DCC: variants seen among roughly 807,000 people sequenced by gnomAD.
The protein encoded by DCC is DCC netrin 1 receptor, also known as netrin receptor DCC.
In DCC, 58 loss-of-function variants were observed where a neutral mutation model predicts 172.5. The ratio of observed to expected loss-of-function variants is 0.34; its 90% confidence interval spans 0.27 to 0.42. DCC has a LOEUF of 0.42. DCC is among the 10% of genes least tolerant of loss of function. The pLI is 1.00. For missense variants in DCC, 1,740 were observed against 1,791.0 expected (o/e 0.97, Z 0.51); for synonymous variants, 709 against 644.5 (o/e 1.10, Z -1.52).
At chr18:53,326,870 G>T (rs1272377966) in intron 14 of DCC, among the ~76,000 whole-genome samples, 1 of 152,142 alleles carries the variant, frequency 6.6e-6, no homozygotes, top group Non-Finnish European at 1.5e-5. Context: ...CTTTGCTGTA[G>T]CTGAAGATAT....
At position 53,215,550 on chromosome 18, in the gene DCC, C is replaced by T. The variant is rs915196815; in HGVS notation, c.1864C>T (p.Pro622Ser). ...ACAATTTGTTTGATTCCTTTTAGTG[C>T]CAAGTGCCCCGCCTCAGAACGTCTC... is the stretch of plus-strand genomic sequence containing the variant. ...DITVVTLSDVPSAPPQNVSLE... is the reference protein window; with the variant it reads ...DITVVTLSDVSSAPPQNVSLE... The change falls in exon 12 of 29, where the codon CCA becomes TCA. Residue 622 changes from proline to serine, a missense_variant and splice_region_variant. Around this residue, in one of 2 missense-constraint regions of DCC, gnomAD observed 1,732 missense variants for 1,767.4 expected, o/e 0.98. Transcript: ENST00000442544. The T allele has an allele frequency of 4.3e-6, 7 of 1,613,458 alleles. No individual in the cohort carries two copies. In the Admixed American group the frequency reaches 1.0e-4, roughly 23 times the overall value.
At chr18:53,028,213 T>C (rs2041982563) in intron 5 of DCC, among the ~76,000 whole-genome samples, 2 of 152,274 alleles carry the variant, frequency 1.3e-5, no homozygotes, top group Admixed American at 6.5e-5. Flanking sequence ...ATTATCCATA[T>C]CTGAATGTGC....
At chr18:52,490,787 A>T (rs751389841) in intron 1 of DCC, among the ~76,000 whole-genome samples, 3 of 152,048 alleles carry the variant, frequency 2.0e-5, no homozygotes, top group Non-Finnish European at 2.9e-5. Flanking sequence ...GACAGCAAAG[A>T]CCCCACCTCT....
rs989997975 is a variant in DCC, at chr18:53,045,073, G to T, written c.986-18232G>T. On this transcript the variant is annotated intron_variant, in intron 5 of 28. Transcript: ENST00000442544. The stretch of plus-strand genomic sequence containing the variant: ...TACCAGGGATATTTTAGAAGCTTCT[G>T]AGAAGCACATGTTTTTTAATCAGAA... Among the ~76,000 whole-genome samples the T allele has an allele frequency of 2.0e-5, 3 of 151,840 alleles. No homozygotes were observed. The Admixed American group carries it at 2.0e-4, about 10-fold the overall frequency.
intron 1 of DCC, among the ~76,000 whole-genome samples, chr18:52,362,491 A>G (rs78890336): frequency 6.6e-6 from 1 of 152,210 alleles, no homozygotes; most frequent in African/African-American, 2.4e-5. Flanking sequence ...GCATCAAGTA[A>G]TCTTTCATAA....
At chr18:53,375,443 CCTGA>C (rs1302543871) in intron 15 of DCC, among the ~76,000 whole-genome samples, 3 of 152,132 alleles carry the variant, frequency 2.0e-5, no homozygotes, top group South Asian at 4.1e-4. Flanking sequence ...TCTTTTTGTT[CCTGA>C]CTAAAACTCA....
chr18:53,227,075 G>A (rs566839776), intron 12 of DCC, among the ~76,000 whole-genome samples: 29 of 149,256 alleles, frequency 1.9e-4, no homozygotes, highest in East Asian at 1.2e-3. Context: ...TTAGCCTCCC[G>A]AGTAGCTGGA....
At chr18:52,642,062 G>GTA (rs1171594177) in intron 1 of DCC, among the ~76,000 whole-genome samples, 46 of 5,544 alleles carry the variant, frequency 8.3e-3, no homozygotes, top group Admixed American at 0.026. Flanking sequence ...GTGTGTGTGT[G>GTA]TATATATATA....
At chr18:53,210,686 A>G (rs1283118065) in intron 11 of DCC, among the ~76,000 whole-genome samples, 1 of 152,186 alleles carries the variant, frequency 6.6e-6, no homozygotes, top group East Asian at 1.9e-4. Flanking sequence ...AGTGAACATA[A>G]TAATTCTTTT....
At chr18:53,250,080 T>A (rs1354019131) in intron 12 of DCC, among the ~76,000 whole-genome samples, 1 of 151,984 alleles carries the variant, frequency 6.6e-6, no homozygotes, top group Non-Finnish European at 1.5e-5. Context: ...ATCTTAAAAA[T>A]CAGACTCTTG....
intron 1 of DCC, among the ~76,000 whole-genome samples, chr18:52,522,517 AG>A (rs1237399172): frequency 1.3e-5 from 2 of 152,080 alleles, no homozygotes; most frequent in African/African-American, 4.8e-5. Flanking sequence ...TAGGATACCC[AG>A]TTAAATTTTA....
intron 2 of DCC, among the ~76,000 whole-genome samples, chr18:52,780,260 T>C (rs2037512579): frequency 6.6e-6 from 1 of 152,154 alleles, no homozygotes; most frequent in African/African-American, 2.4e-5. Context: ...GGAATCTAGC[T>C]CAATTCTGTG....
At chr18:52,657,434 T>G (rs2035277777) in intron 1 of DCC, among the ~76,000 whole-genome samples, 1 of 152,122 alleles carries the variant, frequency 6.6e-6, no homozygotes, top group Non-Finnish European at 1.5e-5. Context: ...TAGGAGAGGG[T>G]CAAGGTTTCC....
chr18:53,297,801 C>G (rs956172622), intron 12 of DCC, among the ~76,000 whole-genome samples: 2 of 152,178 alleles, frequency 1.3e-5, no homozygotes, highest in African/African-American at 4.8e-5. Context: ...TTTGGAGCCT[C>G]CAGCTGTATC....
intron 5 of DCC, among the ~76,000 whole-genome samples, chr18:53,055,836 TA>T (rs200995759): frequency 0.011 from 1,636 of 152,086 alleles, 7 homozygotes; most frequent in Non-Finnish European, 0.016. Context: ...GCACCTTCCT[TA>T]AAAAAGAGGG....
chr18:52,606,331 A>G (rs1225880144), intron 1 of DCC, among the ~76,000 whole-genome samples: 1 of 152,082 alleles, frequency 6.6e-6, no homozygotes, highest in African/African-American at 2.4e-5. Flanking sequence ...AACAAAAAAC[A>G]CCATAATACT....
At chr18:53,406,518 A>C (rs2145045683) in intron 19 of DCC, among the ~76,000 whole-genome samples, 2 of 152,156 alleles carry the variant, frequency 1.3e-5, no homozygotes, top group South Asian at 4.1e-4. Flanking sequence ...CAGCCTGGCC[A>C]ACAAGGTGAA....
chr18:52,685,017 C>A (rs1460199), intron 1 of DCC, among the ~76,000 whole-genome samples: 108,870 of 151,918 alleles, frequency 0.72, 39,463 homozygotes, highest in African/African-American at 0.77. Flanking sequence ...ATGCAGATGC[C>A]ATTTTGATTC....
At chr18:53,141,746 C>T (rs1029142688) in intron 7 of DCC, among the ~76,000 whole-genome samples, 5 of 152,158 alleles carry the variant, frequency 3.3e-5, no homozygotes, top group Non-Finnish European at 7.3e-5. Flanking sequence ...CTACTGCTCA[C>T]TTCTTGCCTC....
Sources: gnomAD v4.1 joint callset for allele counts (sites outside exome capture counted in the v4.1 genomes callset) on GRCh38, gnomAD v4.1.1 for gene constraint, gnomAD v4.1.1 regional missense constraint, MANE v1.5 for transcripts, NCBI Gene and HGNC (gene_info 2026-07-23, HGNC 2026-07-21) for gene names.